Variants in GFRA1 observed in about 807,000 individuals in gnomAD.
GFRA1 encodes GDNF family receptor alpha-1.
In GFRA1, 16 loss-of-function variants were observed where a neutral mutation model predicts 51.6. That is an observed-to-expected ratio of 0.31 (90% CI 0.21 to 0.47). The LOEUF (loss-of-function observed/expected upper bound fraction) is 0.47, where lower values mean the gene tolerates loss of function less well. Among genes scored for constraint, GFRA1 ranks in the 20% least tolerant of loss-of-function variants. The pLI is 1.00. For synonymous variants in GFRA1, 270 were observed against 241.3 expected, an observed-to-expected ratio of 1.12 and a Z score of -1.10; for missense variants, 530 against 594.3, an observed-to-expected ratio of 0.89 and a Z score of 1.13.
chr10:116,073,536 CGTTTT>C lies in GFRA1; in HGVS notation c.1198-7915_1198-7911del, dbSNP rs1340767695. On this transcript the variant is annotated intron_variant, in intron 9 of 10. Coordinates refer to ENST00000355422, the MANE Select transcript of GFRA1 (RefSeq NM_005264.8). ...AAATGTGTGAAAGACATTTTGAAGA[CGTTTT>C]GGTTTGGGGTGAGGGCGGCTGTTTT... Among the ~76,000 whole-genome samples, 4 of 152,190 alleles carry C rather than the reference CGTTTT, an allele frequency of 2.6e-5. No individual in the cohort carries two copies. In the South Asian group the frequency reaches 8.3e-4, roughly 32 times the overall value.
At chr10:116,081,630 T>C (rs2133836691) in intron 9 of GFRA1, among the ~76,000 whole-genome samples, 1 of 152,250 alleles carries the variant, frequency 6.6e-6, no homozygotes. Flanking sequence ...ACTGTGAGGA[T>C]TACTCAGGGG....
chr10:116,136,727 G>T (rs981819137), intron 5 of GFRA1, among the ~76,000 whole-genome samples: 1 of 152,154 alleles, frequency 6.6e-6, no homozygotes, highest in Admixed American at 6.5e-5. Context: ...ACATTTCACG[G>T]AACTCTTTCC....
chr10:116,206,770 C>G (rs1484111130), intron 5 of GFRA1, among the ~76,000 whole-genome samples: 4 of 151,380 alleles, frequency 2.6e-5, no homozygotes, highest in Admixed American at 6.6e-5. Flanking sequence ...GTAGCTGGGA[C>G]TACAGGCGCC....
At chr10:116,093,624 C>T in intron 8 of GFRA1, 78 bp downstream of exon 8, 1 of 1,285,128 alleles carries the variant, frequency 7.8e-7, no homozygotes, top group East Asian at 2.3e-5. Context: ...GGTACAGGCA[C>T]AAGGTACAAG....
intron 4 of GFRA1, among the ~76,000 whole-genome samples, chr10:116,225,629 G>T (rs989541376): frequency 7.0e-6 from 1 of 142,000 alleles, no homozygotes; most frequent in Non-Finnish European, 1.5e-5. Context: ...TTGCTCTATT[G>T]TCCAGGCTGG....
chr10:116,208,208 A>C (rs909670433), intron 5 of GFRA1, among the ~76,000 whole-genome samples: 2 of 151,984 alleles, frequency 1.3e-5, no homozygotes, highest in Admixed American at 6.6e-5. Flanking sequence ...TACTTCAGTA[A>C]CTGGCCCTAC....
chr10:116,079,779 G>A (rs1056667273), intron 9 of GFRA1, among the ~76,000 whole-genome samples: 3 of 152,120 alleles, frequency 2.0e-5, no homozygotes, highest in African/African-American at 4.8e-5. Flanking sequence ...AGAGGTTACT[G>A]GACAATCCTC....
chr10:116,152,734 G>A (rs561451955), intron 5 of GFRA1, among the ~76,000 whole-genome samples: 2 of 152,166 alleles, frequency 1.3e-5, no homozygotes, highest in Non-Finnish European at 2.9e-5. Context: ...AATATCCAAG[G>A]AAGTGTCTTT....
chr10:116,217,468 C>T (rs1965639965), intron 4 of GFRA1, among the ~76,000 whole-genome samples: 2 of 152,128 alleles, frequency 1.3e-5, no homozygotes. Flanking sequence ...ACTGGACTAG[C>T]TATTTAAACT....
intron 5 of GFRA1, among the ~76,000 whole-genome samples, chr10:116,148,067 C>CGTGTGTGCATGT (rs1555158882): frequency 3.0e-5 from 2 of 66,482 alleles, no homozygotes; most frequent in Non-Finnish European, 2.8e-5. Flanking sequence ...TGTGTGCATG[C>CGTGTGTGCATGT]GTGTGTGCAT....
In GFRA1 at chr10:116,272,270, C is replaced by T. The variant is rs1844019480; in HGVS notation, c.-241G>A. 1.7e-6 allele frequency: 1 copy of T among 591,146 alleles called. No homozygotes were observed. The highest frequency in any genetic ancestry group is 1.9e-5 in the African/African-American group (1 of 53,580). The allele number at this position is 591,146 out of a possible 1,614,324, so 36.6% of individuals were successfully genotyped here. A position where few individuals can be genotyped will look rare whatever the true frequency, so the allele number is the denominator to read the frequency against. Reference sequence around the variant, plus strand: ...TCCGCTTTTAGGGGTTCAGGTCCGACCCAACCTGGAAGGGAGGGCGCGCTT... The same window carrying T: ...TCCGCTTTTAGGGGTTCAGGTCCGATCCAACCTGGAAGGGAGGGCGCGCTT... On this transcript the variant is annotated 5_prime_UTR_variant, in exon 2 of 11. Coordinates refer to ENST00000355422, the MANE Select transcript of GFRA1 (RefSeq NM_005264.8). The surrounding 1 kb of genome is among the most constrained non-coding windows in gnomAD (Gnocchi z 4.4).
At chr10:116,269,354 C>G (rs1969912827) in intron 4 of GFRA1, 149 bp downstream of exon 4, 3 of 701,182 alleles carry the variant, frequency 4.3e-6, no homozygotes, top group Non-Finnish European at 7.9e-6. Flanking sequence ...GGCATTATGC[C>G]TCTTCATTAT....
intron 9 of GFRA1, among the ~76,000 whole-genome samples, chr10:116,072,183 A>T (rs1955430440): frequency 2.6e-5 from 4 of 152,090 alleles, no homozygotes; most frequent in Admixed American, 2.0e-4. Flanking sequence ...ATATTTAGCA[A>T]ATGATGTAAG....
Position 116,166,801 on chromosome 10 carries a change from TTTTTTTTTTTTTTG to T in GFRA1, c.434-41258_434-41245del, listed in dbSNP as rs1338281836. On this transcript the variant is annotated intron_variant, in intron 5 of 10. Coordinates refer to ENST00000355422, the MANE Select transcript of GFRA1 (RefSeq NM_005264.8). ...TCTTCTTTTTTTTTTTTTTTTTTTT[TTTTTTTTTTTTTTG>T]TTGAGACGGAGTCTCCCTCTGTGGC... Among the ~76,000 whole-genome samples the T allele has an allele frequency of 2.7e-3, 253 of 92,574 alleles. 2 individuals are homozygous for T. The highest frequency in any genetic ancestry group is 0.01 in the African/African-American group (247 of 24,288). The allele number at this position is 92,574 out of a possible 152,430, so 60.7% of individuals were successfully genotyped here.
chr10:116,270,385 A>T (rs1285555231), intron 3 of GFRA1, among the ~76,000 whole-genome samples: 3 of 152,156 alleles, frequency 2.0e-5, no homozygotes, highest in Non-Finnish European at 4.4e-5. Flanking sequence ...ACAATACTTC[A>T]TCTTACATCA....
At chr10:116,229,980 C>T (rs1008773690) in intron 4 of GFRA1, among the ~76,000 whole-genome samples, 2 of 152,136 alleles carry the variant, frequency 1.3e-5, no homozygotes, top group Non-Finnish European at 2.9e-5. Context: ...GGGTTGTTAC[C>T]TGAGCAAATC....
chr10:116,068,565 G>A (rs1739813892), intron 9 of GFRA1, among the ~76,000 whole-genome samples: 1 of 152,144 alleles, frequency 6.6e-6, no homozygotes, highest in African/African-American at 2.4e-5. Context: ...ATGTAGACCT[G>A]TGAACTTCTG....
chr10:116,096,907 A>T, intron 6 of GFRA1, 143 bp from the exon 7 acceptor site: 1 of 659,060 alleles, frequency 1.5e-6, no homozygotes, highest in Non-Finnish European at 2.8e-6. Flanking sequence ...ACACATACAC[A>T]CAAAATACGT....
At chr10:116,188,207 C>T (rs1452033205) in intron 5 of GFRA1, among the ~76,000 whole-genome samples, 1 of 152,122 alleles carries the variant, frequency 6.6e-6, no homozygotes, top group Non-Finnish European at 1.5e-5. Context: ...AAGCTGAGAC[C>T]TGTGGGATGG....
Sources: gnomAD v4.1 joint callset for allele counts (sites outside exome capture counted in the v4.1 genomes callset) on GRCh38, gnomAD v4.1.1 for gene constraint, Gnocchi (gnomAD v3.1) non-coding constraint, MANE v1.5 for transcripts, NCBI Gene and HGNC (gene_info 2026-07-23, HGNC 2026-07-21) for gene names.